Variants in ZBTB20 observed in about 807,000 individuals in gnomAD.
ZBTB20 encodes zinc finger and BTB domain-containing protein 20.
A neutral mutation model predicts 56.9 loss-of-function variants in ZBTB20; 9 were observed. The ratio of observed to expected loss-of-function variants is 0.16; its 90% CI spans 0.10 to 0.28. The LOEUF (loss-of-function observed/expected upper bound fraction) is 0.28, where lower values mean the gene tolerates loss of function less well. Ranked by LOEUF, ZBTB20 falls within the 10% of genes least tolerant of loss-of-function variation. ZBTB20 has a pLI of 1.00. For missense variants in ZBTB20, 655 were observed against 1,003.0 expected, an observed-to-expected ratio of 0.65 and a Z score of 4.69; for synonymous variants, 417 against 420.7, an observed-to-expected ratio of 0.99 and a Z score of 0.11.
At chr3:114,671,577 T>C (rs1356409843) in intron 6 of ZBTB20, among the ~76,000 whole-genome samples, 3 of 151,642 alleles carry the variant, frequency 2.0e-5, no homozygotes, top group Non-Finnish European at 2.9e-5. Flanking sequence ...CCCCCTTCCC[T>C]GCCAATAAAT....
intron 4 of ZBTB20, among the ~76,000 whole-genome samples, chr3:114,878,815 C>A (rs1429168444): frequency 6.6e-6 from 1 of 152,044 alleles, no homozygotes; most frequent in African/African-American, 2.4e-5. Flanking sequence ...CGGTCACAAC[C>A]AACTGAAAAT....
At chr3:114,756,523 A>T (rs2068022451) in intron 5 of ZBTB20, among the ~76,000 whole-genome samples, 1 of 152,218 alleles carries the variant, frequency 6.6e-6, no homozygotes, top group Admixed American at 6.5e-5. Flanking sequence ...TTTTATGTAA[A>T]CAAATATAGA....
intron 5 of ZBTB20, among the ~76,000 whole-genome samples, chr3:114,766,145 G>A (rs945148815): frequency 5.9e-5 from 9 of 152,122 alleles, no homozygotes; most frequent in Non-Finnish European, 1.2e-4. Flanking sequence ...CAGATGAGAA[G>A]TTAAAGAGAA....
intron 5 of ZBTB20, among the ~76,000 whole-genome samples, chr3:114,777,484 A>G (rs1014482204): frequency 2.6e-5 from 4 of 152,182 alleles, no homozygotes; most frequent in Non-Finnish European, 5.9e-5. Context: ...GCCAAAAAAC[A>G]CATGAAAAAA....
intron 3 of ZBTB20, among the ~76,000 whole-genome samples, chr3:114,947,569 CTATGTTCT>C (rs1244352678): frequency 6.9e-6 from 1 of 145,774 alleles, no homozygotes; most frequent in Admixed American, 6.6e-5. Flanking sequence ...GACAAATGTC[CTATGTTCT>C]CACTTATAAG....
chr3:114,742,506 G>A (rs964565894), intron 5 of ZBTB20, among the ~76,000 whole-genome samples: 4 of 152,118 alleles, frequency 2.6e-5, no homozygotes, highest in South Asian at 2.1e-4. Flanking sequence ...AGCCAGGTAC[G>A]ATGTCAAACA....
rs1560041347 is a variant in ZBTB20, at chr3:114,315,567, C to CTGTGTGTGTGTGTGTGTGTGTGTG, written c.*23437_*23438insCACACACACACACACACACACACA. 1 of 34,942 alleles carries CTGTGTGTGTGTGTGTGTGTGTGTG rather than the reference C, an allele frequency of 2.9e-5. No individual in the cohort carries two copies. The highest frequency in any genetic ancestry group is 9.2e-5 in the African/African-American group (1 of 10,918). 2.2% of individuals were successfully genotyped at this position (34,942 alleles called of 1,614,324 possible). A position where few individuals can be genotyped will look rare whatever the true frequency, so the allele number is the denominator to read the frequency against. On this transcript the variant is annotated 3_prime_UTR_variant, in exon 12 of 12. Transcript: ENST00000675478. ...TGTGTGTATTTTAGGTCTAAACATA[C>CTGTGTGTGTGTGTGTGTGTGTGTG]AGTGTGTGTGTGTGTGTGTGTGTGT...
intron 5 of ZBTB20, among the ~76,000 whole-genome samples, chr3:114,722,608 A>C (rs974886309): frequency 2.0e-5 from 3 of 152,208 alleles, no homozygotes; most frequent in African/African-American, 7.2e-5. Context: ...AAAGAAAAAA[A>C]CAAGTTTAAT....
intron 4 of ZBTB20, among the ~76,000 whole-genome samples, chr3:114,895,292 C>T (rs541062000): frequency 2.0e-5 from 3 of 152,160 alleles, no homozygotes; most frequent in Non-Finnish European, 4.4e-5. Context: ...AACAGGACCA[C>T]TTTTAAGTCA....
intron 4 of ZBTB20, among the ~76,000 whole-genome samples, chr3:114,812,779 A>C (rs1017945141): frequency 2.0e-5 from 3 of 152,212 alleles, no homozygotes; most frequent in Admixed American, 6.5e-5. Flanking sequence ...CGGGCCGCAC[A>C]GGAGCCCACG....
At chr3:114,452,513 C>G (rs571812073) in intron 7 of ZBTB20, among the ~76,000 whole-genome samples, 2 of 152,246 alleles carry the variant, frequency 1.3e-5, no homozygotes, top group Middle Eastern at 6.8e-3. Flanking sequence ...GCAACACATA[C>G]ATAGTAAGGT....
intron 10 of ZBTB20, among the ~76,000 whole-genome samples, chr3:114,354,962 T>C (rs1666189052): frequency 6.6e-6 from 1 of 152,194 alleles, no homozygotes; most frequent in Non-Finnish European, 1.5e-5. Context: ...GCCCAAAGTT[T>C]TGCACAGTAG....
chr3:114,734,659 T>A (rs764425211), intron 5 of ZBTB20, among the ~76,000 whole-genome samples: 7 of 152,078 alleles, frequency 4.6e-5, no homozygotes, highest in Non-Finnish European at 7.4e-5. Context: ...TTGAAATAAA[T>A]GTGAGCTGTA....
chr3:114,627,045 A>C (rs1461906283), intron 6 of ZBTB20, among the ~76,000 whole-genome samples: 1 of 152,158 alleles, frequency 6.6e-6, no homozygotes, highest in Non-Finnish European at 1.5e-5. Context: ...GTGGCAGGGA[A>C]TATTTTACTA....
intron 8 of ZBTB20, among the ~76,000 whole-genome samples, chr3:114,385,256 C>A (rs1253319254): frequency 3.9e-5 from 6 of 152,140 alleles, no homozygotes. Context: ...CCCAACAATA[C>A]ATTAAATAGG....
chr3:115,028,528 A>G (rs900832980), intron 2 of ZBTB20, among the ~76,000 whole-genome samples: 2 of 150,684 alleles, frequency 1.3e-5, no homozygotes, highest in Admixed American at 6.6e-5. Context: ...TAGTCACAAG[A>G]AAATTTTAAA....
intron 5 of ZBTB20, among the ~76,000 whole-genome samples, chr3:114,737,109 A>C (rs1296218199): frequency 6.6e-6 from 1 of 152,164 alleles, no homozygotes; most frequent in Non-Finnish European, 1.5e-5. Context: ...AAAGTTACAA[A>C]TCTATGGACA....
intron 7 of ZBTB20, among the ~76,000 whole-genome samples, chr3:114,464,216 A>G (rs1051567464): frequency 2.0e-5 from 3 of 152,218 alleles, no homozygotes; most frequent in Admixed American, 6.5e-5. Flanking sequence ...TAAAGTGTCC[A>G]TAGATAAATG....
At chr3:114,509,798 A>G (rs547854512) in intron 6 of ZBTB20, among the ~76,000 whole-genome samples, 1 of 152,136 alleles carries the variant, frequency 6.6e-6, no homozygotes, top group Non-Finnish European at 1.5e-5. Flanking sequence ...CCTTGTCAGC[A>G]TATGCTCCAG....
Sources: allele counts gnomAD v4.1 joint callset (sites outside exome capture counted in the v4.1 genomes callset), GRCh38; gene constraint gnomAD v4.1.1; transcripts MANE v1.5; gene names NCBI Gene and HGNC (gene_info 2026-07-23, HGNC 2026-07-21).